The following LRP1B variants were observed in gnomAD, a reference collection of about 807,000 sequenced individuals.
The protein encoded by LRP1B is LDL receptor related protein 1B.
LRP1B carries 217 observed loss-of-function variants against 556.6 expected under a neutral mutation model. That is an observed-to-expected ratio of 0.39 (90% CI 0.35 to 0.44). The LOEUF is 0.44. Ranked by LOEUF, LRP1B falls within the 20% of genes least tolerant of loss-of-function variation. The pLI is 1.00. For synonymous variants in LRP1B, 2,047 were observed against 1,865.8 expected (o/e 1.10, Z -2.50); for missense variants, 5,053 against 5,620.8 (o/e 0.90, Z 3.23).
intron 31 of LRP1B, among the ~76,000 whole-genome samples, chr2:140,838,339 G>C (rs1292472226): frequency 6.6e-6 from 1 of 151,836 alleles, no homozygotes; most frequent in Non-Finnish European, 1.5e-5. Flanking sequence ...TGTTTCTTTT[G>C]TTCTATCATT....
intron 1 of LRP1B, among the ~76,000 whole-genome samples, chr2:141,984,543 T>C (rs1337319414): frequency 6.6e-6 from 1 of 152,208 alleles, no homozygotes; most frequent in African/African-American, 2.4e-5. Flanking sequence ...CCCAACACAA[T>C]AGCCTGATAA....
chr2:140,408,256 A>C (rs1269382888), intron 66 of LRP1B, among the ~76,000 whole-genome samples: 1 of 151,918 alleles, frequency 6.6e-6, no homozygotes, highest in African/African-American at 2.4e-5. Flanking sequence ...GAGTGCACTA[A>C]AATCTTAGAA....
chr2:142,028,416 A>C lies in LRP1B; in HGVS notation c.82+102232T>G, dbSNP rs948465581. On this transcript the variant is annotated intron_variant, in intron 1 of 90. Coordinates refer to ENST00000389484, the MANE Select transcript of LRP1B (RefSeq NM_018557.3). Reference sequence around the variant, plus strand: ...TTTTGCCTTTTCTAGAATGTCATACAAATAGAATTATACAGTATAGCAGCA... The same window carrying C: ...TTTTGCCTTTTCTAGAATGTCATACCAATAGAATTATACAGTATAGCAGCA... Among the ~76,000 whole-genome samples, 10 of 152,098 alleles carry C rather than the reference A, an allele frequency of 6.6e-5. No homozygotes were observed. In the East Asian group the frequency reaches 1.9e-3, roughly 29 times the overall value.
intron 7 of LRP1B, among the ~76,000 whole-genome samples, chr2:141,169,234 C>T (rs991157195): frequency 4.7e-5 from 7 of 150,452 alleles, no homozygotes; most frequent in Non-Finnish European, 3.0e-5. Context: ...TGCAGTGAGC[C>T]GAGATCATAC....
chr2:141,493,866 A>C (rs1414804013), intron 2 of LRP1B, among the ~76,000 whole-genome samples: 1 of 152,204 alleles, frequency 6.6e-6, no homozygotes, highest in East Asian at 1.9e-4. Context: ...CCTTGATGAC[A>C]GAATACTTAT....
chr2:140,377,854 A>T (rs1451250072), intron 68 of LRP1B, among the ~76,000 whole-genome samples: 1 of 152,190 alleles, frequency 6.6e-6, no homozygotes, highest in Non-Finnish European at 1.5e-5. Context: ...CCTGACTATA[A>T]ATACTGCAGC....
intron 43 of LRP1B, among the ~76,000 whole-genome samples, chr2:140,549,851 AGTT>A (rs892810886): frequency 5.2e-4 from 78 of 151,454 alleles, no homozygotes; most frequent in African/African-American, 1.8e-3. Flanking sequence ...TAGTGTTGTG[AGTT>A]GTTGTTGTTT....
intron 20 of LRP1B, 148 bp downstream of exon 20, chr2:140,950,087 A>C: frequency 2.0e-6 from 1 of 509,880 alleles, no homozygotes; most frequent in South Asian, 4.1e-5. Flanking sequence ...GAAAGGAAAG[A>C]GATAGCAAAT....
chr2:140,859,336 G>A (rs1692716707), intron 27 of LRP1B, among the ~76,000 whole-genome samples: 1 of 152,022 alleles, frequency 6.6e-6, no homozygotes, highest in Non-Finnish European at 1.5e-5. Flanking sequence ...TTCAGGTTTT[G>A]TAAGTGATAC....
chr2:140,998,787 G>A (rs1386190603), intron 15 of LRP1B, among the ~76,000 whole-genome samples: 1 of 152,024 alleles, frequency 6.6e-6, no homozygotes, highest in Admixed American at 6.6e-5. Context: ...ATTTGCCAGT[G>A]GATTTTTGTT....
intron 2 of LRP1B, among the ~76,000 whole-genome samples, chr2:141,634,641 A>C (rs1041722484): frequency 4.6e-5 from 7 of 152,046 alleles, no homozygotes; most frequent in Non-Finnish European, 1.0e-4. Flanking sequence ...ATTGTAAAGC[A>C]TATATCCACT....
At chr2:140,285,705 T>G (rs1195328579) in intron 84 of LRP1B, among the ~76,000 whole-genome samples, 1 of 151,812 alleles carries the variant, frequency 6.6e-6, no homozygotes, top group East Asian at 1.9e-4. Flanking sequence ...GCATTTAACC[T>G]TTAACAAGAT....
chr2:140,889,402 T>G (rs898222843), intron 23 of LRP1B, among the ~76,000 whole-genome samples: 1 of 152,152 alleles, frequency 6.6e-6, no homozygotes, highest in African/African-American at 2.4e-5. Context: ...CTTAAGAAAT[T>G]CTCATGCCTC....
intron 21 of LRP1B, among the ~76,000 whole-genome samples, chr2:140,921,297 T>C (rs1694730467): frequency 6.6e-6 from 1 of 152,020 alleles, no homozygotes; most frequent in African/African-American, 2.4e-5. Flanking sequence ...ACTCAGGATT[T>C]TCCATATTGG....
At chr2:140,636,157 C>T (rs1030757755) in intron 41 of LRP1B, among the ~76,000 whole-genome samples, 6 of 152,190 alleles carry the variant, frequency 3.9e-5, no homozygotes, top group Admixed American at 6.5e-5. Flanking sequence ...TTGTGAGCCA[C>T]TTTGAAAAAT....
Position 141,070,038 on chromosome 2 carries a change from G to A in LRP1B, c.1014-7765C>T, listed in dbSNP as rs376202551. ...CGCATTGTTCAATTCCCACCTATGA[G>A]TGAGAATATGCGGTGTTTGGTTTTT... On this transcript the variant is annotated intron_variant, in intron 7 of 90. Transcript: ENST00000389484. Among the ~76,000 whole-genome samples, 807 of 142,312 alleles carry A rather than the reference G, an allele frequency of 5.7e-3. 6 individuals are homozygous for A. Among genetic ancestry groups the A allele is most frequent in the Middle Eastern group, 0.013 (3 of 240 alleles). The allele number at this position is 142,312 out of a possible 152,430, so 93.4% of individuals were successfully genotyped here.
At chr2:140,374,322 C>T (rs910826042) in intron 68 of LRP1B, among the ~76,000 whole-genome samples, 13 of 152,110 alleles carry the variant, frequency 8.5e-5, no homozygotes, top group African/African-American at 3.1e-4. Context: ...GTTTGTGGAA[C>T]TCCTAGCAAG....
chr2:141,079,656 T>A (rs1019278732), intron 7 of LRP1B, among the ~76,000 whole-genome samples: 1 of 152,216 alleles, frequency 6.6e-6, no homozygotes, highest in African/African-American at 2.4e-5. Context: ...GACAGCACTA[T>A]TTCAGTTAGA....
At chr2:141,431,622 A>G (rs1680565992) in intron 3 of LRP1B, among the ~76,000 whole-genome samples, 1 of 152,316 alleles carries the variant, frequency 6.6e-6, no homozygotes, top group Admixed American at 6.5e-5. Context: ...ATGAACCTGG[A>G]AAGTCCCATT....
Sources: allele counts gnomAD v4.1 joint callset (sites outside exome capture counted in the v4.1 genomes callset), GRCh38; gene constraint gnomAD v4.1.1; transcripts MANE v1.5; gene names NCBI Gene and HGNC (gene_info 2026-07-23, HGNC 2026-07-21).